NME7: variants seen among roughly 807,000 people sequenced by gnomAD.
NME7 encodes the protein nucleoside diphosphate kinase 7.
NME7 carries 41 observed loss-of-function variants against 49.1 expected under a neutral mutation model. The ratio of observed to expected loss-of-function variants is 0.83; its 90% confidence interval spans 0.65 to 1.08. The LOEUF is 1.08. Among genes scored for constraint, NME7 ranks in the 50% least tolerant of loss-of-function variants. The pLI, the probability that NME7 is intolerant of heterozygous loss-of-function variation, is 0.00. For synonymous variants in NME7, 139 were observed against 150.6 expected (o/e 0.92, Z 0.56); for missense variants, 423 against 463.4 (o/e 0.91, Z 0.80).
intron 1 of NME7, among the ~76,000 whole-genome samples, chr1:169,337,175 G>C (rs1332821324): frequency 1.3e-5 from 2 of 152,240 alleles, no homozygotes; most frequent in Non-Finnish European, 2.9e-5. Flanking sequence ...CACGGAGTGG[G>C]TGGGAGGCTC....
chr1:169,173,619 A>G (rs10919084), intron 10 of NME7, among the ~76,000 whole-genome samples: 56,367 of 151,978 alleles, frequency 0.37, 11,031 homozygotes, highest in East Asian at 0.73. Context: ...CTTATAAAGT[A>G]AAAAATATTG....
At chr1:169,285,893 A>G (rs1650259175) in intron 7 of NME7, 1 of 152,186 alleles carries the variant, frequency 6.6e-6, no homozygotes, top group Non-Finnish European at 1.5e-5. Flanking sequence ...CCTTCCAACA[A>G]GTAATTCTAT....
chr1:169,156,954 G>T (rs772483147), intron 11 of NME7, among the ~76,000 whole-genome samples: 1 of 152,232 alleles, frequency 6.6e-6, no homozygotes, highest in Non-Finnish European at 1.5e-5. Flanking sequence ...AGGAAGAAAA[G>T]AATCCATGCA....
chr1:169,211,045 T>C (rs1455274621), intron 10 of NME7, among the ~76,000 whole-genome samples: 1 of 152,144 alleles, frequency 6.6e-6, no homozygotes, highest in Admixed American at 6.6e-5. Context: ...AGATCATTAG[T>C]TCTTTCAGAT....
chr1:169,267,116 C>G (rs889898489), intron 7 of NME7, among the ~76,000 whole-genome samples: 4 of 133,220 alleles, frequency 3.0e-5, no homozygotes, highest in East Asian at 4.0e-4. Context: ...CAGTAGCATT[C>G]TTACACAGCG....
intron 8 of NME7, among the ~76,000 whole-genome samples, chr1:169,236,015 T>C (rs1647844836): frequency 6.6e-6 from 1 of 152,116 alleles, no homozygotes; most frequent in Non-Finnish European, 1.5e-5. Flanking sequence ...GTTGCCAGGA[T>C]TGAAGACCCA....
At chr1:169,364,617 T>A (rs532949374) in intron 1 of NME7, among the ~76,000 whole-genome samples, 1 of 152,280 alleles carries the variant, frequency 6.6e-6, no homozygotes, top group East Asian at 1.9e-4. Context: ...TGGAAGTGAA[T>A]CCACCTTTGC....
At chr1:169,212,099 T>C (rs972937224) in intron 10 of NME7, among the ~76,000 whole-genome samples, 1 of 152,132 alleles carries the variant, frequency 6.6e-6, no homozygotes, top group African/African-American at 2.4e-5. Flanking sequence ...GAAATCTAAG[T>C]ATTTTCTAGT....
intron 4 of NME7, among the ~76,000 whole-genome samples, chr1:169,308,247 T>G (rs1651255252): frequency 6.6e-6 from 1 of 152,142 alleles, no homozygotes; most frequent in South Asian, 2.1e-4. Flanking sequence ...GAGGGTTTTG[T>G]GTTAAAGTTT....
intron 11 of NME7, among the ~76,000 whole-genome samples, chr1:169,143,331 A>C (rs1321418626): frequency 6.8e-6 from 1 of 147,764 alleles, no homozygotes. Context: ...AAACACACCA[A>C]CCAATTCCCC....
intron 11 of NME7, among the ~76,000 whole-genome samples, chr1:169,156,520 T>C (rs890936659): frequency 1.3e-5 from 2 of 152,160 alleles, no homozygotes; most frequent in African/African-American, 4.8e-5. Flanking sequence ...AACCAATTTA[T>C]ACAAAATAAA....
At chr1:169,269,774 T>A (rs1649433838) in intron 7 of NME7, among the ~76,000 whole-genome samples, 1 of 134,392 alleles carries the variant, frequency 7.4e-6, no homozygotes, top group Non-Finnish European at 1.7e-5. Context: ...AATTGGTCAA[T>A]ATTCTAATAA....
intron 10 of NME7, among the ~76,000 whole-genome samples, chr1:169,203,714 G>C (rs1037266073): frequency 3.9e-5 from 6 of 152,074 alleles, no homozygotes; most frequent in Non-Finnish European, 5.9e-5. Context: ...TGGTTTATAT[G>C]GTTGATATCA....
chr1:169,285,690 G>A (rs1167287367), intron 7 of NME7: 1 of 152,090 alleles, frequency 6.6e-6, no homozygotes, highest in Non-Finnish European at 1.5e-5. Flanking sequence ...TACTTGCTGT[G>A]AAGATTAAAA....
At chr1:169,242,466 T>A (rs748115790) in intron 7 of NME7, among the ~76,000 whole-genome samples, 8 of 151,806 alleles carry the variant, frequency 5.3e-5, no homozygotes, top group Admixed American at 4.6e-4. Flanking sequence ...AACCTACAAC[T>A]AACATAATAG....
chr1:169,212,991 G>A (rs1660873554), intron 10 of NME7, among the ~76,000 whole-genome samples: 1 of 151,844 alleles, frequency 6.6e-6, no homozygotes, highest in Non-Finnish European at 1.5e-5. Flanking sequence ...TTTTCTGTTG[G>A]TGACTTTACT....
At chr1:169,136,256 A>G (rs573955556) in intron 11 of NME7, among the ~76,000 whole-genome samples, 1 of 152,172 alleles carries the variant, frequency 6.6e-6, no homozygotes, top group South Asian at 2.1e-4. Flanking sequence ...CAGCAGGTAA[A>G]GATTAGGCCT....
At chr1:169,186,336 A>G (rs1660065280) in intron 10 of NME7, among the ~76,000 whole-genome samples, 1 of 152,170 alleles carries the variant, frequency 6.6e-6, no homozygotes, top group South Asian at 2.1e-4. Flanking sequence ...GACAGGCTTC[A>G]TAGGAACACA....
chr1:169,314,698 T>C (rs977525848), intron 3 of NME7, among the ~76,000 whole-genome samples: 2 of 152,032 alleles, frequency 1.3e-5, no homozygotes, highest in Non-Finnish European at 2.9e-5. Flanking sequence ...CAAACCACCA[T>C]GGCACATGTA....
Sources: gnomAD v4.1 joint callset for allele counts (sites outside exome capture counted in the v4.1 genomes callset) on GRCh38, gnomAD v4.1.1 for gene constraint, MANE v1.5 for transcripts, NCBI Gene and HGNC (gene_info 2026-07-23, HGNC 2026-07-21) for gene names.